The following WDFY4 variants were observed in gnomAD, a reference collection of about 807,000 sequenced individuals.
The protein encoded by WDFY4 is WDFY family member 4.
Under a neutral mutation model 351.9 loss-of-function variants are expected in WDFY4, and 169 were observed. The ratio of observed to expected loss-of-function variants is 0.48; its 90% confidence interval spans 0.42 to 0.55. The LOEUF is 0.55. WDFY4 is among the 20% of genes least tolerant of loss of function. The probability of loss-of-function intolerance (pLI) is 0.00; values close to 1 mark genes in which losing one functional copy is unlikely to be tolerated. For missense variants in WDFY4, 3,803 were observed against 3,935.6 expected (o/e 0.97, Z 0.90); for synonymous variants, 1,622 against 1,574.6 (o/e 1.03, Z -0.71).
At chr10:48,808,440 A>G (rs918031070) in intron 28 of WDFY4, among the ~76,000 whole-genome samples, 2 of 152,200 alleles carry the variant, frequency 1.3e-5, no homozygotes, top group Admixed American at 1.3e-4. Context: ...ATCAAGTGTA[A>G]TCATAAAGCT....
intron 45 of WDFY4, among the ~76,000 whole-genome samples, chr10:48,899,104 A>T (rs1837232664): frequency 6.6e-6 from 1 of 150,892 alleles, no homozygotes; most frequent in South Asian, 2.1e-4. Context: ...GATTGTTTCC[A>T]GAGGGTTGGT....
chr10:48,877,253 T>C, intron 43 of WDFY4, 54 bp downstream of exon 43: 1 of 1,505,900 alleles, frequency 6.6e-7, no homozygotes, highest in Non-Finnish European at 9.0e-7. Context: ...TTGTTAAGAT[T>C]GTCAGACAGG....
intron 1 of WDFY4, among the ~76,000 whole-genome samples, chr10:48,702,845 C>T (rs890429540): frequency 6.6e-6 from 1 of 152,186 alleles, no homozygotes; most frequent in Admixed American, 6.5e-5. Flanking sequence ...GCATTCCCAC[C>T]AGCAAGGGTG....
intron 1 of WDFY4, among the ~76,000 whole-genome samples, chr10:48,687,727 G>T (rs1196012518): frequency 1.4e-5 from 2 of 145,378 alleles, no homozygotes; most frequent in African/African-American, 2.6e-5. Context: ...CAATTATCCT[G>T]CCTCAGCCTC....
chr10:48,952,886 C>CCTG (rs1481593143), intron 51 of WDFY4, among the ~76,000 whole-genome samples: 2 of 152,204 alleles, frequency 1.3e-5, no homozygotes, highest in African/African-American at 4.8e-5. Context: ...CGTGTCAGGG[C>CCTG]CTGGCTTTTT....
At chr10:48,895,128 A>C (rs531857788) in intron 44 of WDFY4, among the ~76,000 whole-genome samples, 111 of 152,334 alleles carry the variant, frequency 7.3e-4, no homozygotes, top group Non-Finnish European at 1.4e-3. Context: ...GGGCCTAAGC[A>C]AGGGGCTCAG....
intron 13 of WDFY4, among the ~76,000 whole-genome samples, chr10:48,763,488 T>A (rs1381556438): frequency 6.6e-6 from 1 of 152,230 alleles, no homozygotes; most frequent in Non-Finnish European, 1.5e-5. Context: ...GTGGTCTGGG[T>A]GGTCTTAGCA....
intron 28 of WDFY4, among the ~76,000 whole-genome samples, chr10:48,808,576 C>G (rs1421290960): frequency 6.6e-6 from 1 of 152,224 alleles, no homozygotes; most frequent in African/African-American, 2.4e-5. Context: ...GGATGCAGTG[C>G]TGAGCAAGTC....
At chr10:48,723,596 T>C in intron 5 of WDFY4, 29 bp downstream of exon 5, 1 of 1,551,092 alleles carries the variant, frequency 6.4e-7, no homozygotes, top group Non-Finnish European at 8.7e-7. Context: ...TCCAATTCCC[T>C]GGGTCAAAAC....
At chr10:48,871,119 A>T (rs12263861) in intron 40 of WDFY4, among the ~76,000 whole-genome samples, 3,715 of 151,916 alleles carry the variant, frequency 0.024, 158 homozygotes, top group African/African-American at 0.084. Context: ...TATTTTTTAG[A>T]AGAGACGGGG....
intron 35 of WDFY4, among the ~76,000 whole-genome samples, chr10:48,825,164 A>G (rs2067952955): frequency 6.6e-6 from 1 of 152,088 alleles, no homozygotes; most frequent in Admixed American, 6.6e-5. Flanking sequence ...CCCTGTATCC[A>G]TGTGTTCTCA....
At chr10:48,795,140 G>A (rs1488813719) in intron 23 of WDFY4, among the ~76,000 whole-genome samples, 6 of 152,080 alleles carry the variant, frequency 3.9e-5, no homozygotes, top group Non-Finnish European at 8.8e-5. Context: ...CAGGTAGATC[G>A]GAGACTCTGC....
chr10:48,865,374 T>C (rs951650174), intron 39 of WDFY4, among the ~76,000 whole-genome samples: 1 of 152,228 alleles, frequency 6.6e-6, no homozygotes, highest in Non-Finnish European at 1.5e-5. Context: ...GTACATTAAT[T>C]ATTTTCAGTT....
chr10:48,880,953 G>A (rs918291947), intron 43 of WDFY4, among the ~76,000 whole-genome samples: 4 of 152,170 alleles, frequency 2.6e-5, no homozygotes, highest in Admixed American at 6.5e-5. Context: ...TAAAAACCCT[G>A]CCCAATTCTA....
intron 57 of WDFY4, among the ~76,000 whole-genome samples, chr10:48,974,371 G>A (rs1842457794): frequency 6.6e-6 from 1 of 151,642 alleles, no homozygotes; most frequent in Admixed American, 6.6e-5. Context: ...AGGCATGGTG[G>A]CAGGCACCTG....
chr10:48,692,020 G>A (rs1308852135), intron 1 of WDFY4, among the ~76,000 whole-genome samples: 1 of 152,176 alleles, frequency 6.6e-6, no homozygotes, highest in Non-Finnish European at 1.5e-5. Context: ...GAGGAGGGTA[G>A]CAATTAAAAG....
rs527531443 is a variant in WDFY4 at position 48,755,139 on chromosome 10, G to A, written c.2460-5208G>A. Among the ~76,000 whole-genome samples, 4 of 152,190 alleles carry A rather than the reference G, an allele frequency of 2.6e-5. No individual in the cohort carries two copies. In the South Asian group the frequency reaches 6.2e-4, roughly 24 times the overall value. On this transcript the variant is annotated intron_variant, in intron 12 of 61. Transcript: ENST00000325239. ...ACCGTGGATCTTTCCTTATAGTTTTGTCTTTCCAGAATACCATATACATGG... is the reference window on the plus strand; with the variant it reads ...ACCGTGGATCTTTCCTTATAGTTTTATCTTTCCAGAATACCATATACATGG...
In WDFY4 at chr10:48,811,564, GC is replaced by G; in HGVS notation, c.5072del (p.Pro1691LeufsTer14). On this transcript the variant is annotated frameshift_variant, in exon 30 of 62. Coordinates refer to ENST00000325239, the MANE Select transcript of WDFY4 (RefSeq NM_001394531.1). LOFTEE classifies it high-confidence loss of function. ...MDNLKSQSPLPEQSPCLLPGF... is the reference protein window; with the variant it reads ...MDNLKSQSPLXEQSPCLLPGF... Reference sequence around the variant, plus strand: ...ACAACCTGAAGAGCCAGTCACCACTGCCTGAGCAAAGCCCATGCCTGCTTCC... The same window carrying G: ...ACAACCTGAAGAGCCAGTCACCACTGCTGAGCAAAGCCCATGCCTGCTTCC... 1 of 1,552,260 alleles carries G rather than the reference GC, an allele frequency of 6.4e-7. No individual in the cohort carries two copies.
At chr10:48,704,211 C>T (rs904338485) in intron 1 of WDFY4, among the ~76,000 whole-genome samples, 2 of 152,144 alleles carry the variant, frequency 1.3e-5, no homozygotes, top group African/African-American at 2.4e-5. Context: ...AGCCGAGTCT[C>T]AGAGAGGGGA....
Sources: gnomAD v4.1 joint callset for allele counts (sites outside exome capture counted in the v4.1 genomes callset) on GRCh38, gnomAD v4.1.1 for gene constraint, MANE v1.5 for transcripts, NCBI Gene and HGNC (gene_info 2026-07-23, HGNC 2026-07-21) for gene names.